ABCE1: variants seen among roughly 807,000 people sequenced by gnomAD.
ABCE1 encodes the protein ATP binding cassette subfamily E member 1.
In ABCE1, 22 loss-of-function variants were observed where a neutral mutation model predicts 83.4. The observed-to-expected ratio is 0.26, with a 90% CI of 0.19 to 0.38. ABCE1 has a LOEUF of 0.38. Among genes scored for constraint, ABCE1 ranks in the 10% least tolerant of loss-of-function variants. ABCE1 has a pLI of 1.00. For missense variants in ABCE1, 330 were observed against 721.9 expected, an observed-to-expected ratio of 0.46 and a Z score of 6.22; for synonymous variants, 204 against 233.7, an observed-to-expected ratio of 0.87 and a Z score of 1.16.
At chr4:145,104,116 A>C (rs1749230422) in intron 1 of ABCE1, among the ~76,000 whole-genome samples, 1 of 151,862 alleles carries the variant, frequency 6.6e-6, no homozygotes, top group Admixed American at 6.6e-5. Flanking sequence ...ATATTCCTAG[A>C]TATTTTCTTT....
At chr4:145,098,992 T>C (rs182896142) in intron 1 of ABCE1, among the ~76,000 whole-genome samples, 11 of 152,348 alleles carry the variant, frequency 7.2e-5, no homozygotes, top group African/African-American at 2.2e-4. Context: ...TGTACGCAGC[T>C]ATGACTGGGG....
intron 3 of ABCE1, among the ~76,000 whole-genome samples, 174 bp from the exon 4 acceptor site, chr4:145,107,841 A>G (rs909004804): frequency 1.3e-5 from 2 of 152,224 alleles, no homozygotes. Flanking sequence ...TATAATTCTA[A>G]TGTTCAAGGA....
chr4:145,128,299 T>C lies in ABCE1; in HGVS notation c.*726T>C, dbSNP rs1486213912. 1 of 152,620 alleles carries C rather than the reference T, an allele frequency of 6.6e-6. No homozygotes were observed. Among genetic ancestry groups the C allele is most frequent in the Non-Finnish European group, 1.5e-5 (1 of 68,016 alleles). 9.5% of individuals were successfully genotyped at this position (152,620 alleles called of 1,614,324 possible). ...GTATTCAGTCATTCTCTAGGTAATGTCATTTTTGTACACATATATTTATAT... is the reference window on the plus strand; with the variant it reads ...GTATTCAGTCATTCTCTAGGTAATGCCATTTTTGTACACATATATTTATAT... On this transcript the variant is annotated 3_prime_UTR_variant, in exon 18 of 18. Transcript: ENST00000296577.
At chr4:145,110,534 G>A (rs1477307151) in intron 7 of ABCE1, 90 bp downstream of exon 7, 7 of 1,255,126 alleles carry the variant, frequency 5.6e-6, no homozygotes, top group Non-Finnish European at 8.1e-6. Flanking sequence ...GGGGTGCAAT[G>A]ATGCAACCTC....
intron 8 of ABCE1, among the ~76,000 whole-genome samples, chr4:145,111,298 T>G (rs1437078936): frequency 2.0e-5 from 3 of 152,218 alleles, no homozygotes; most frequent in Non-Finnish European, 4.4e-5. Flanking sequence ...TGCCGGAACT[T>G]TTTATATAAA....
At chr4:145,117,524 C>A in intron 10 of ABCE1, 110 bp downstream of exon 10, 1 of 958,776 alleles carries the variant, frequency 1.0e-6, no homozygotes, top group Admixed American at 2.8e-5. Flanking sequence ...TCATCCAAAA[C>A]TCTAGTTCCT....
In ABCE1 at chr4:145,120,908, T is replaced by G; in HGVS notation, c.1145-266T>G. 6 of 375,072 alleles carry G rather than the reference T, an allele frequency of 1.6e-5. No homozygotes were observed. In the South Asian group the frequency reaches 2.4e-4, roughly 15 times the overall value. 23.2% of individuals were successfully genotyped at this position (375,072 alleles called of 1,614,324 possible). A position where few individuals can be genotyped will look rare whatever the true frequency, so the allele number is the denominator to read the frequency against. ...TAGCTAAGTAGATCTTTTCAAACTA[T>G]TGCAGGATTTAAACTTTATAGACAT... On this transcript the variant is annotated intron_variant, in intron 11 of 17. Coordinates refer to ENST00000296577, the MANE Select transcript of ABCE1 (RefSeq NM_002940.3).
At chr4:145,111,096 A>G in intron 8 of ABCE1, 32 bp downstream of exon 8, 1 of 1,495,438 alleles carries the variant, frequency 6.7e-7, no homozygotes, top group South Asian at 1.2e-5. Flanking sequence ...GTTTATCTTC[A>G]TCCGTATTGT....
intron 5 of ABCE1, among the ~76,000 whole-genome samples, chr4:145,109,775 C>T (rs996798536): frequency 2.6e-5 from 4 of 152,104 alleles, no homozygotes; most frequent in African/African-American, 4.8e-5. Flanking sequence ...GATTAAGTAT[C>T]CAGAAAGATA....
chr4:145,114,086 T>C (rs1041288173), intron 9 of ABCE1, among the ~76,000 whole-genome samples: 1 of 152,136 alleles, frequency 6.6e-6, no homozygotes, highest in Non-Finnish European at 1.5e-5. Flanking sequence ...TTCATGTAGA[T>C]ACTTTGAAGT....
At chr4:145,106,023 A>G (rs547775751) in intron 3 of ABCE1, among the ~76,000 whole-genome samples, 47 of 152,052 alleles carry the variant, frequency 3.1e-4, no homozygotes, top group Admixed American at 5.9e-4. Flanking sequence ...CACACCTTTT[A>G]AATAGAAATG....
intron 10 of ABCE1, among the ~76,000 whole-genome samples, chr4:145,118,785 T>C (rs964588192): frequency 4.6e-5 from 7 of 151,914 alleles, no homozygotes; most frequent in African/African-American, 1.7e-4. Context: ...CAGTGCAGCA[T>C]ACTTAAAAGC....
chr4:145,126,165 T>C (rs1212722414), intron 17 of ABCE1, among the ~76,000 whole-genome samples: 2 of 152,368 alleles, frequency 1.3e-5, no homozygotes, highest in Admixed American at 1.3e-4. Flanking sequence ...TTCACAGTTG[T>C]GCACCCTACA....
intron 7 of ABCE1, 88 bp downstream of exon 7, chr4:145,110,532 A>G (rs1579213618): frequency 3.1e-6 from 4 of 1,277,836 alleles, no homozygotes; most frequent in East Asian, 4.9e-5. Context: ...CTGGGGTGCA[A>G]TGATGCAACC....
chr4:145,121,022 A>G, intron 11 of ABCE1, 152 bp from the exon 12 acceptor site: 5 of 677,156 alleles, frequency 7.4e-6, no homozygotes, highest in Non-Finnish European at 1.3e-5. Flanking sequence ...GCCATGAAAG[A>G]CTTAAGTATT....
intron 1 of ABCE1, among the ~76,000 whole-genome samples, chr4:145,101,960 T>C (rs547459466): frequency 6.6e-6 from 1 of 152,196 alleles, no homozygotes; most frequent in Non-Finnish European, 1.5e-5. Flanking sequence ...ATAGAACAAC[T>C]TGGGGAATGA....
At chr4:145,126,155 T>G (rs1579225563) in intron 17 of ABCE1, among the ~76,000 whole-genome samples, 1 of 152,328 alleles carries the variant, frequency 6.6e-6, no homozygotes, top group East Asian at 1.9e-4. Flanking sequence ...GTCTTTGTAG[T>G]TCACAGTTGT....
intron 1 of ABCE1, among the ~76,000 whole-genome samples, chr4:145,103,442 T>C (rs939039579): frequency 6.6e-6 from 1 of 152,226 alleles, no homozygotes; most frequent in African/African-American, 2.4e-5. Context: ...AAGCCCAATA[T>C]TGTGAAAGAT....
intron 16 of ABCE1, chr4:145,124,073 T>G (rs992499194): frequency 6.5e-6 from 1 of 153,128 alleles, no homozygotes; most frequent in Non-Finnish European, 1.5e-5. Context: ...TCGTTTTTTC[T>G]TCTCATTTTT....
Sources: gnomAD v4.1 joint callset for allele counts (sites outside exome capture counted in the v4.1 genomes callset) on GRCh38, gnomAD v4.1.1 for gene constraint, MANE v1.5 for transcripts, NCBI Gene and HGNC (gene_info 2026-07-23, HGNC 2026-07-21) for gene names.